GCAT: variants seen among roughly 807,000 people sequenced by gnomAD.
GCAT encodes the protein glycine C-acetyltransferase.
GCAT carries 26 observed loss-of-function variants against 39.7 expected under a neutral mutation model. The ratio of observed to expected loss-of-function variants is 0.65; its 90% confidence interval spans 0.48 to 0.91. GCAT has a LOEUF of 0.91. Among genes scored for constraint, GCAT ranks in the 40% least tolerant of loss-of-function variants. The pLI is 0.00. For missense variants in GCAT, 550 were observed against 576.2 expected (o/e 0.95, Z 0.47); for synonymous variants, 218 against 237.2 (o/e 0.92, Z 0.74).
At chr22:37,812,178 AT>A (rs1921673293) in intron 2 of GCAT, among the ~76,000 whole-genome samples, 1 of 151,178 alleles carries the variant, frequency 6.6e-6, no homozygotes, top group South Asian at 2.1e-4. Flanking sequence ...AAAAAAAAAA[AT>A]GTTTTTAATT....
rs191527955 is a variant in GCAT, at chr22:37,816,818, A to G, written c.*100A>G. 1.2e-3 allele frequency: 1,431 copies of G among 1,237,870 alleles called. 11 individuals are homozygous for G. The highest frequency in any genetic ancestry group is 4.3e-3 in the Middle Eastern group (19 of 4,394). The allele number at this position is 1,237,870 out of a possible 1,614,324, so 76.7% of individuals were successfully genotyped here. On this transcript the variant is annotated 3_prime_UTR_variant, in exon 9 of 9. Coordinates refer to ENST00000248924, the MANE Select transcript of GCAT (RefSeq NM_014291.4). ...ACCAGAGGCTCTGAGCCCTGAACCA[A>G]AGTCCCAGAGCTGGGCTGGGACGTG...
At chr22:37,813,672 G>A in intron 4 of GCAT, 63 bp downstream of exon 4, 3 of 1,445,984 alleles carry the variant, frequency 2.1e-6, no homozygotes, top group Non-Finnish European at 2.8e-6. Context: ...GCTTAGAGAG[G>A]CCAACTCCTC....
Position 37,815,218 on chromosome 22 carries a change from A to G in GCAT, c.669A>G (p.Arg223=). Residue 223 remains arginine (R), a synonymous_variant, in exon 5 of 9, where the codon AGA becomes AGG. Coordinates refer to ENST00000248924, the MANE Select transcript of GCAT (RefSeq NM_014291.4). ...AGGAGATCTGCTGCCTCGCCTCTAG[A>G]TATGGTGCCCTGGTCTTCATGGATG... is the stretch of plus-strand genomic sequence containing the variant. ...PLQEICCLAS[R]YGALVFMDEC... The G allele has an allele frequency of 3.1e-6, 5 of 1,614,062 alleles. No homozygotes were observed. In the South Asian group the frequency reaches 3.3e-5, roughly 11 times the overall value.
intron 2 of GCAT, 122 bp from the exon 3 acceptor site, chr22:37,812,765 A>G: frequency 2.9e-6 from 2 of 700,000 alleles, no homozygotes; most frequent in Non-Finnish European, 5.1e-6. Flanking sequence ...GGCAGAAAGT[A>G]AGGAGACTGA....
intron 4 of GCAT, among the ~76,000 whole-genome samples, chr22:37,814,358 G>A (rs1921929367): frequency 6.6e-6 from 1 of 152,106 alleles, no homozygotes. Context: ...CTGCCTCCCA[G>A]GTTCAATTGA....
Position 37,813,615 on chromosome 22 carries a change from G to T in GCAT, c.576+6G>T, listed in dbSNP as rs765610868. The T allele has an allele frequency of 1.3e-6, 2 of 1,597,952 alleles. No homozygotes were observed. Among genetic ancestry groups the T allele is most frequent in the South Asian group, 2.2e-5 (2 of 89,290 alleles). On this transcript the variant is annotated splice_donor_region_variant and intron_variant, in intron 4 of 8. Coordinates refer to ENST00000248924, the MANE Select transcript of GCAT (RefSeq NM_014291.4). Reference sequence around the variant, plus strand: ...CCAAGCTGCAGGAGGCCCAGGTGGGGCGACGCCTGGGTCCACCCTCAGCCT... The same window carrying T: ...CCAAGCTGCAGGAGGCCCAGGTGGGTCGACGCCTGGGTCCACCCTCAGCCT...
At position 37,816,324 on chromosome 22, in the gene GCAT, A is replaced by G. The variant is rs905595920; in HGVS notation, c.1108+3A>G. The G allele has an allele frequency of 6.2e-7, 1 of 1,609,900 alleles. No homozygotes were observed. The highest frequency in any genetic ancestry group is 8.5e-7 in the Non-Finnish European group (1 of 1,179,872). On this transcript the variant is annotated splice_donor_region_variant and intron_variant, in intron 8 of 8. Coordinates refer to ENST00000248924, the MANE Select transcript of GCAT (RefSeq NM_014291.4). ...GGCGGATGACATGCTGAAGAGAGGT[A>G]AGGGTGCTGAGACAAGGGAACTGGT...
In GCAT at chr22:37,813,463, G is replaced by T; in HGVS notation, c.430G>T (p.Ala144Ser). 6.3e-7 allele frequency: 1 copy of T among 1,596,052 alleles called. No individual in the cohort carries two copies. The highest frequency in any genetic ancestry group is 8.5e-7 in the Non-Finnish European group (1 of 1,171,468). Residue 144 changes from alanine (A) to serine (S), a missense_variant and splice_region_variant, in exon 4 of 9, where the codon GCC becomes TCC. Physicochemically the swap from Ala to Ser is moderately conservative, Grantham distance 99 (BLOSUM62 1). Transcript: ENST00000248924. ...CYDANAGLFEALLTPEDAVLS... is the reference protein window; with the variant it reads ...CYDANAGLFESLLTPEDAVLS... Reference sequence around the variant, plus strand: ...CTCTACGCTCACTGCCTCCCTCCAGGCCCTGCTGACCCCAGAGGACGCAGT... The same window carrying T: ...CTCTACGCTCACTGCCTCCCTCCAGTCCCTGCTGACCCCAGAGGACGCAGT...
rs139649612 is a variant in GCAT at position 37,815,197 on chromosome 22, G to C, written c.648G>C (p.Glu216Asp). ...SMDGDIAPLQ[E>D]ICCLASRYGA... ...ATGGCGACATCGCACCCCTGCAGGA[G>C]ATCTGCTGCCTCGCCTCTAGATATG... is the stretch of plus-strand genomic sequence containing the variant. Residue 216 changes from glutamate (E) to aspartate (D), a missense_variant, in exon 5 of 9, where the codon GAG becomes GAC. Coordinates refer to ENST00000248924, the MANE Select transcript of GCAT (RefSeq NM_014291.4). 7.4e-6 allele frequency: 12 copies of C among 1,613,992 alleles called. No individual in the cohort carries two copies. The African/African-American group carries it at 1.5e-4, about 20-fold the overall frequency.
Position 37,815,194 on chromosome 22 carries a change from GGAGATCTGCT to G in GCAT, c.647_656del (p.Glu216AlafsTer34). On this transcript the variant is annotated frameshift_variant, in exon 5 of 9. Transcript: ENST00000248924. LOFTEE classifies it high-confidence loss of function. ...TGGATGGCGACATCGCACCCCTGCA[GGAGATCTGCT>G]GCCTCGCCTCTAGATATGGTGCCCT... 3 of 1,614,106 alleles carry G rather than the reference GGAGATCTGCT, an allele frequency of 1.9e-6. No individual in the cohort carries two copies. Among genetic ancestry groups the G allele is most frequent in the Non-Finnish European group, 2.5e-6 (3 of 1,180,008 alleles).
At chr22:37,814,965 G>A (rs1308660846) in intron 4 of GCAT, among the ~76,000 whole-genome samples, 161 bp from the exon 5 acceptor site, 1 of 152,212 alleles carries the variant, frequency 6.6e-6, no homozygotes, top group Non-Finnish European at 1.5e-5. Context: ...AGGCACAGAT[G>A]AGGGAGAGGA....
chr22:37,810,021 C>A lies in GCAT; in HGVS notation c.197-6C>A. The stretch of plus-strand genomic sequence containing the variant: ...TGCTGTATCCATCTCCTCTCCTTCA[C>A]CTCAGGAATCCTTAACTTCTGTGCC... On this transcript the variant is annotated splice_region_variant and splice_polypyrimidine_tract_variant and intron_variant, in intron 1 of 8. Coordinates refer to ENST00000248924, the MANE Select transcript of GCAT (RefSeq NM_014291.4). The A allele has an allele frequency of 6.2e-7, 1 of 1,613,886 alleles. No homozygotes were observed. Among genetic ancestry groups the A allele is most frequent in the Non-Finnish European group, 8.5e-7 (1 of 1,179,762 alleles).
intron 5 of GCAT, 40 bp from the exon 6 acceptor site, chr22:37,815,378 C>T (rs759412150): frequency 2.5e-6 from 4 of 1,599,052 alleles, no homozygotes; most frequent in Middle Eastern, 1.7e-4. Flanking sequence ...TCCCTGGGCT[C>T]TCAGGAGGCC....
At chr22:37,816,929 G>A, downstream of GCAT, 1 of 556,448 alleles carries the variant, frequency 1.8e-6, no homozygotes, top group South Asian at 2.2e-5. Flanking sequence ...CTCTGGGCAG[G>A]CCCAGTCCTG....
intron 2 of GCAT, among the ~76,000 whole-genome samples, chr22:37,810,891 T>A (rs2145918349): frequency 6.6e-6 from 1 of 152,042 alleles, no homozygotes; most frequent in South Asian, 2.1e-4. Context: ...CCTCAAGTGA[T>A]CTCCTCCACC....
intron 4 of GCAT, among the ~76,000 whole-genome samples, chr22:37,813,935 T>C (rs1921886898): frequency 1.3e-5 from 2 of 151,828 alleles, no homozygotes; most frequent in South Asian, 4.2e-4. Context: ...CTGGCTAATT[T>C]TTGTATTTTT....
chr22:37,813,343 C>T (rs1921807442), intron 3 of GCAT, 120 bp from the exon 4 acceptor site: 1 of 1,117,150 alleles, frequency 9.0e-7, no homozygotes, highest in Non-Finnish European at 1.3e-6. Context: ...GAACACCTTG[C>T]CTCTCTACCC....
At position 37,810,058 on chromosome 22, in the gene GCAT, G is replaced by C; in HGVS notation, c.228G>C (p.Leu76=). The change falls in exon 2 of 9, where the codon CTG becomes CTC. Residue 76 remains leucine (L), a synonymous_variant. Coordinates refer to ENST00000248924, the MANE Select transcript of GCAT (RefSeq NM_014291.4). ...GILNFCANNY[L]GLSSHPEVIQ... ...TTAACTTCTGTGCCAACAACTACCT[G>C]GGCCTGAGCAGCCACCCTGAGGTGA... is the stretch of plus-strand genomic sequence containing the variant. The C allele has an allele frequency of 6.2e-7, 1 of 1,614,092 alleles. No individual in the cohort carries two copies. Among genetic ancestry groups the C allele is most frequent in the Non-Finnish European group, 8.5e-7 (1 of 1,179,914 alleles).
intron 7 of GCAT, 37 bp downstream of exon 7, chr22:37,815,871 G>A: frequency 6.2e-7 from 1 of 1,607,680 alleles, no homozygotes; most frequent in East Asian, 2.2e-5. Flanking sequence ...GGGGCGGAGA[G>A]ACGTGGTGAG....
Sources: gnomAD v4.1 joint callset for allele counts (sites outside exome capture counted in the v4.1 genomes callset) on GRCh38, gnomAD v4.1.1 for gene constraint, MANE v1.5 for transcripts, NCBI Gene and HGNC (gene_info 2026-07-23, HGNC 2026-07-21) for gene names.